The following INPP5B variants were observed in gnomAD, a reference collection of about 807,000 sequenced individuals.
INPP5B encodes the protein inositol polyphosphate-5-phosphatase B.
In INPP5B, 90 loss-of-function variants were observed where a neutral mutation model predicts 118.5. The observed-to-expected ratio is 0.76, with a 90% CI of 0.64 to 0.90. The LOEUF (loss-of-function observed/expected upper bound fraction) is 0.90. INPP5B is among the 40% of genes least tolerant of loss of function. The probability of loss-of-function intolerance (pLI) is 0.00; values close to 1 mark genes in which losing one functional copy is unlikely to be tolerated. For missense variants in INPP5B, 984 were observed against 1,125.6 expected, an observed-to-expected ratio of 0.87 and a Z score of 1.80; for synonymous variants, 385 against 418.9, an observed-to-expected ratio of 0.92 and a Z score of 0.99.
In INPP5B at chr1:37,933,899, TTTTATTTATTTATTTA is replaced by T. The variant is rs140877171; in HGVS notation, c.392-1862_392-1847del. On this transcript the variant is annotated intron_variant, in intron 6 of 23. Transcript: ENST00000373024. ...CCTGGTCCCATTACTTCAATTTTTA[TTTTATTTATTTATTTA>T]TTTATTTATTTATTTATTTATTTAT... Among the ~76,000 whole-genome samples, 106 of 134,946 alleles carry T rather than the reference TTTTATTTATTTATTTA, an allele frequency of 7.9e-4. 1 individual carries two copies. The highest frequency in any genetic ancestry group is 1.3e-3 in the East Asian group (6 of 4,638). 88.5% of individuals were successfully genotyped at this position (134,946 alleles called of 152,430 possible).
At chr1:37,939,749 T>A (rs1177922024) in intron 6 of INPP5B, among the ~76,000 whole-genome samples, 3 of 151,984 alleles carry the variant, frequency 2.0e-5, no homozygotes, top group Non-Finnish European at 4.4e-5. Context: ...GGCCTGTTAT[T>A]TTATTTTTTA....
At position 37,865,826 on chromosome 1, in the gene INPP5B, C is replaced by T. The variant is rs780383560; in HGVS notation, c.2449G>A (p.Val817Ile). The T allele has an allele frequency of 4.3e-6, 7 of 1,613,756 alleles. No individual in the cohort carries two copies. The South Asian group carries it at 7.7e-5, about 18-fold the overall frequency. The change falls in exon 22 of 24, where the codon GTC (valine) becomes ATC (isoleucine). Residue 817 changes from valine (V) to isoleucine (I), a missense_variant. Around this residue, in one of 2 missense-constraint regions of INPP5B, gnomAD observed 634 missense variants for 791.0 expected, o/e 0.80. Coordinates refer to ENST00000373024, the MANE Select transcript of INPP5B (RefSeq NM_005540.3). ...TTATGGTAGGTGCTGTAACAGATGA[C>T]AGGCTCTGGAAGGCTCTCCAGGAAA... is the stretch of plus-strand genomic sequence containing the variant. The part of the protein sequence containing the change: ...LLFLESLPEP[V>I]ICYSTYHNCL...
intron 7 of INPP5B, among the ~76,000 whole-genome samples, chr1:37,911,257 CAT>C (rs1644687668): frequency 6.6e-6 from 1 of 152,198 alleles, no homozygotes; most frequent in African/African-American, 2.4e-5. Flanking sequence ...ACACTTGACG[CAT>C]ATACTTTCTG....
At chr1:37,905,443 A>G (rs1644471511) in intron 7 of INPP5B, among the ~76,000 whole-genome samples, 1 of 152,194 alleles carries the variant, frequency 6.6e-6, no homozygotes, top group Non-Finnish European at 1.5e-5. Context: ...TGTTATTGGT[A>G]TATGTTCCAA....
chr1:37,907,499 A>T lies in INPP5B; in HGVS notation c.533-16045T>A, dbSNP rs187725739. Among the ~76,000 whole-genome samples the T allele has an allele frequency of 4.7e-3, 711 of 152,338 alleles. 6 individuals are homozygous for T. The highest frequency in any genetic ancestry group is 6.5e-3 in the Non-Finnish European group (444 of 68,036). On this transcript the variant is annotated intron_variant, in intron 7 of 23. Transcript: ENST00000373024. The surrounding 1 kb of genome is among the most constrained non-coding windows in gnomAD (Gnocchi z 4.3). ...GAGAAATATCAGAGGCATTTGAACCACAGTAACTCCATCTTGAATAGGGGC... is the reference window on the plus strand; with the variant it reads ...GAGAAATATCAGAGGCATTTGAACCTCAGTAACTCCATCTTGAATAGGGGC...
At chr1:37,864,575 G>A in intron 22 of INPP5B, 152 bp from the exon 23 acceptor site, 1 of 538,210 alleles carries the variant, frequency 1.9e-6, no homozygotes, top group African/African-American at 1.9e-5. Context: ...AGTATCAAAA[G>A]AGAGGTACGG....
At chr1:37,903,769 A>G (rs1391147183) in intron 7 of INPP5B, among the ~76,000 whole-genome samples, 1 of 152,106 alleles carries the variant, frequency 6.6e-6, no homozygotes, top group Non-Finnish European at 1.5e-5. Flanking sequence ...GCATGCCTGT[A>G]ATCTCAGCTA....
intron 7 of INPP5B, among the ~76,000 whole-genome samples, chr1:37,896,548 G>C (rs1437766922): frequency 2.1e-5 from 3 of 145,072 alleles, no homozygotes; most frequent in African/African-American, 5.1e-5. Context: ...CCCCTACTGG[G>C]AACTGAGGAG....
intron 6 of INPP5B, among the ~76,000 whole-genome samples, chr1:37,936,949 G>A (rs959264844): frequency 1.7e-4 from 26 of 151,998 alleles, no homozygotes; most frequent in Non-Finnish European, 3.1e-4. Flanking sequence ...TATCCTCTCT[G>A]AGCCTCAGTT....
At chr1:37,868,745 A>T in intron 19 of INPP5B, 131 bp from the exon 20 acceptor site, 1 of 674,892 alleles carries the variant, frequency 1.5e-6, no homozygotes, top group Non-Finnish European at 2.7e-6. Context: ...CCACAGACAG[A>T]AATGAAATCA....
In INPP5B at chr1:37,882,919, CT is replaced by C; in HGVS notation, c.1320-2del. On this transcript the variant is annotated splice_acceptor_variant, in intron 13 of 23. Transcript: ENST00000373024. LOFTEE classifies it high-confidence loss of function. ...GAGGTCCCCCAGCCACAAGATCACA[CT>C]GTGAGGACAGAGCACAAAGGTAACA... 6.2e-7 allele frequency: 1 copy of C among 1,614,130 alleles called. No homozygotes were observed. The highest frequency in any genetic ancestry group is 8.5e-7 in the Non-Finnish European group (1 of 1,179,986).
At chr1:37,943,576 C>A (rs1274982683) in intron 5 of INPP5B, 64 bp downstream of exon 5, 2 of 1,569,082 alleles carry the variant, frequency 1.3e-6, no homozygotes, top group South Asian at 1.1e-5. Flanking sequence ...TTACACCATT[C>A]TTCTTTCTCT....
At chr1:37,905,188 G>T (rs970722926) in intron 7 of INPP5B, among the ~76,000 whole-genome samples, 8 of 152,178 alleles carry the variant, frequency 5.3e-5, no homozygotes, top group Non-Finnish European at 8.8e-5. Flanking sequence ...ATCACCTGAA[G>T]TCAGGAGTTC....
At chr1:37,935,792 C>T (rs1387563547) in intron 6 of INPP5B, among the ~76,000 whole-genome samples, 3 of 151,894 alleles carry the variant, frequency 2.0e-5, no homozygotes, top group South Asian at 2.1e-4. Context: ...GGCGGCCGGG[C>T]GCGGTGGCTC....
chr1:37,896,164 C>T (rs563649085), intron 7 of INPP5B, among the ~76,000 whole-genome samples: 310 of 145,804 alleles, frequency 2.1e-3, no homozygotes, highest in African/African-American at 6.9e-3. Context: ...TCTGCCCTGC[C>T]GCCCCGTCCG....
intron 7 of INPP5B, chr1:37,929,078 T>G (rs1243047645): frequency 1.3e-5 from 2 of 152,058 alleles, no homozygotes; most frequent in Non-Finnish European, 1.5e-5. Context: ...CAATTAACAG[T>G]GTCACCCAGT....
intron 5 of INPP5B, among the ~76,000 whole-genome samples, chr1:37,943,253 A>G (rs1645999844): frequency 6.6e-6 from 1 of 152,112 alleles, no homozygotes; most frequent in East Asian, 1.9e-4. Flanking sequence ...GCCCCCCCAA[A>G]GTGCTGGGAT....
intron 7 of INPP5B, among the ~76,000 whole-genome samples, chr1:37,921,773 G>A (rs1645063536): frequency 6.6e-6 from 1 of 152,212 alleles, no homozygotes. Flanking sequence ...ACTTTGGGAA[G>A]CCAAGGCAGG....
chr1:37,940,330 G>A (rs28667243), intron 6 of INPP5B, among the ~76,000 whole-genome samples: 1 of 152,190 alleles, frequency 6.6e-6, no homozygotes, highest in Non-Finnish European at 1.5e-5. Context: ...GATGGTTCTA[G>A]CTGTGAGTTC....
Sources: allele counts gnomAD v4.1 joint callset (sites outside exome capture counted in the v4.1 genomes callset), GRCh38; gene constraint gnomAD v4.1.1; regional missense constraint gnomAD v4.1.1; non-coding constraint Gnocchi (gnomAD v3.1); transcripts MANE v1.5; gene names NCBI Gene and HGNC (gene_info 2026-07-23, HGNC 2026-07-21).